PHF24: variants seen among roughly 807,000 people sequenced by gnomAD.
PHF24 encodes Galpha inhibitory interacting protein.
Under a neutral mutation model 42.6 loss-of-function variants are expected in PHF24, and 25 were observed. That is an observed-to-expected ratio of 0.59 (90% CI 0.43 to 0.82). The LOEUF (loss-of-function observed/expected upper bound fraction) is 0.82, where lower values mean the gene tolerates loss of function less well. Ranked by LOEUF, PHF24 falls within the 40% of genes least tolerant of loss-of-function variation. PHF24 has a pLI of 0.00. For synonymous variants in PHF24, 185 were observed against 204.8 expected (o/e 0.90, Z 0.83); for missense variants, 470 against 538.1 (o/e 0.87, Z 1.25).
chr9:34,686,330 T>G, the PHF24 span, among the ~76,000 whole-genome samples: 3 of 151,934 alleles, frequency 2.0e-5, no homozygotes, highest in East Asian at 5.8e-4. Flanking sequence ...TATGAGATGA[T>G]CAAAACCGTA....
the PHF24 span, among the ~76,000 whole-genome samples, chr9:34,772,718 T>G: frequency 1.3e-5 from 2 of 152,192 alleles, no homozygotes; most frequent in African/African-American, 4.8e-5. Flanking sequence ...GGAGCCAGGT[T>G]TCTTACGACT....
At chr9:34,783,526 C>A in the PHF24 span, among the ~76,000 whole-genome samples, 1 of 152,192 alleles carries the variant, frequency 6.6e-6, no homozygotes, top group Non-Finnish European at 1.5e-5. Context: ...CTATTGCACT[C>A]ACCCCTGCTC....
At chr9:34,837,543 G>A in the PHF24 span, 1 of 761,104 alleles carries the variant, frequency 1.3e-6, no homozygotes, top group Non-Finnish European at 2.2e-6. Context: ...TGGGGAACTG[G>A]AGTCTTCAGT....
chr9:34,916,462 C>G, the PHF24 span, among the ~76,000 whole-genome samples: 8 of 152,006 alleles, frequency 5.3e-5, no homozygotes, highest in Non-Finnish European at 1.2e-4. Context: ...TCTAAGAAAC[C>G]CTAGATATAA....
At chr9:34,919,843 T>C in the PHF24 span, among the ~76,000 whole-genome samples, 3 of 152,294 alleles carry the variant, frequency 2.0e-5, no homozygotes, top group South Asian at 2.1e-4. Flanking sequence ...CTTAACATAA[T>C]GTCCTCCAGT....
chr9:34,868,288 C>T, the PHF24 span, among the ~76,000 whole-genome samples: 3 of 152,208 alleles, frequency 2.0e-5, no homozygotes, highest in East Asian at 5.8e-4. Context: ...TTATCTCAAA[C>T]ATTTTATGTT....
intron 1 of PHF24, among the ~76,000 whole-genome samples, chr9:34,963,354 T>C (rs1364532219): frequency 6.6e-6 from 1 of 152,062 alleles, no homozygotes; most frequent in Non-Finnish European, 1.5e-5. Flanking sequence ...TTTGTTTTGT[T>C]TTTTTACAGA....
chr9:34,833,016 AC>A, the PHF24 span: 7 of 1,551,264 alleles, frequency 4.5e-6, no homozygotes, highest in Admixed American at 3.9e-5. Flanking sequence ...CATCGCCAGG[AC>A]CCTCGGGGTG....
the PHF24 span, among the ~76,000 whole-genome samples, chr9:34,811,254 CTTAAGT>C: frequency 6.6e-6 from 1 of 152,216 alleles, no homozygotes; most frequent in Non-Finnish European, 1.5e-5. Flanking sequence ...TGTACTCTTG[CTTAAGT>C]TTAAGAGCTA....
At chr9:34,677,892 G>A in the PHF24 span, among the ~76,000 whole-genome samples, 1 of 152,200 alleles carries the variant, frequency 6.6e-6, no homozygotes, top group East Asian at 1.9e-4. Flanking sequence ...CTCCTTGAAT[G>A]GCTGGCTTCT....
chr9:34,826,953 A>G, the PHF24 span, among the ~76,000 whole-genome samples: 2 of 152,206 alleles, frequency 1.3e-5, no homozygotes, highest in Non-Finnish European at 2.9e-5. Context: ...TTCATCCACC[A>G]TCAGCATTCC....
At chr9:34,769,411 A>G in the PHF24 span, among the ~76,000 whole-genome samples, 2 of 152,214 alleles carry the variant, frequency 1.3e-5, no homozygotes, top group African/African-American at 2.4e-5. Flanking sequence ...ATGAGCCACC[A>G]TGCCTGGCCA....
At chr9:34,957,263 A>G (rs763460436), upstream of PHF24, among the ~76,000 whole-genome samples, 2 of 152,246 alleles carry the variant, frequency 1.3e-5, no homozygotes, top group Non-Finnish European at 2.9e-5. Context: ...TAGACGCTCA[A>G]AAAAATGACA....
the PHF24 span, among the ~76,000 whole-genome samples, chr9:34,828,452 T>C: frequency 6.6e-6 from 1 of 152,162 alleles, no homozygotes; most frequent in Non-Finnish European, 1.5e-5. Flanking sequence ...AAAAACCCTC[T>C]CTGAATCCCA....
the PHF24 span, among the ~76,000 whole-genome samples, chr9:34,863,344 A>G: frequency 2.6e-5 from 4 of 151,754 alleles, no homozygotes; most frequent in Admixed American, 6.6e-5. Context: ...TGGTGGCTTC[A>G]TGTCTGACCC....
the PHF24 span, among the ~76,000 whole-genome samples, chr9:34,884,676 C>T: frequency 6.6e-6 from 1 of 152,152 alleles, no homozygotes; most frequent in Non-Finnish European, 1.5e-5. Context: ...GATAACTGAG[C>T]CCTTGTGTCT....
the PHF24 span, among the ~76,000 whole-genome samples, chr9:34,717,152 A>G: frequency 6.6e-6 from 1 of 152,136 alleles, no homozygotes; most frequent in Non-Finnish European, 1.5e-5. Flanking sequence ...GATCACACCC[A>G]CCAGCATTAT....
chr9:34,939,884 CTTCTCCA>C, the PHF24 span, among the ~76,000 whole-genome samples: 243 of 152,290 alleles, frequency 1.6e-3, 1 homozygote, highest in African/African-American at 5.7e-3. Flanking sequence ...CATACTCTCC[CTTCTCCA>C]TTCTAAATTC....
At chr9:34,719,784 C>T in the PHF24 span, among the ~76,000 whole-genome samples, 3 of 152,220 alleles carry the variant, frequency 2.0e-5, no homozygotes, top group Non-Finnish European at 4.4e-5. Flanking sequence ...TGTGTGGCTG[C>T]CTGCCCCACT....
Sources: gnomAD v4.1 joint callset for allele counts (sites outside exome capture counted in the v4.1 genomes callset) on GRCh38, gnomAD v4.1.1 for gene constraint, MANE v1.5 for transcripts, NCBI Gene and HGNC (gene_info 2026-07-23, HGNC 2026-07-21) for gene names.